Variants in C8orf34 observed in about 807,000 individuals in gnomAD.
The protein encoded by C8orf34 is chromosome 8 open reading frame 34.
Under a neutral mutation model 68.3 loss-of-function variants are expected in C8orf34, and 65 were observed. The observed-to-expected ratio is 0.95, with a 90% CI of 0.78 to 1.17. The LOEUF is 1.17. Ranked by LOEUF, C8orf34 falls within the 50% of genes most tolerant of loss-of-function variation. C8orf34 has a pLI of 0.00. For synonymous variants in C8orf34, 244 were observed against 241.2 expected (o/e 1.01, Z -0.11); for missense variants, 664 against 655.4 (o/e 1.01, Z -0.14).
chr8:68,569,791 G>A (rs945723753), intron 7 of C8orf34, among the ~76,000 whole-genome samples: 1 of 152,154 alleles, frequency 6.6e-6, no homozygotes, highest in Non-Finnish European at 1.5e-5. Flanking sequence ...AACATACTAC[G>A]TTTACCTCAG....
chr8:68,718,643 G>A (rs960386334), intron 9 of C8orf34, among the ~76,000 whole-genome samples: 4 of 152,156 alleles, frequency 2.6e-5, no homozygotes, highest in Non-Finnish European at 5.9e-5. Flanking sequence ...ATTGAACTTG[G>A]CTCGGGAAGC....
intron 4 of C8orf34, among the ~76,000 whole-genome samples, chr8:68,479,390 A>G (rs1812759115): frequency 7.5e-6 from 1 of 134,168 alleles, no homozygotes; most frequent in Non-Finnish European, 1.6e-5. Flanking sequence ...TGTATCAGAG[A>G]GACACAGAGA....
At chr8:68,559,836 A>C (rs1344866647) in intron 7 of C8orf34, among the ~76,000 whole-genome samples, 1 of 152,158 alleles carries the variant, frequency 6.6e-6, no homozygotes, top group Non-Finnish European at 1.5e-5. Flanking sequence ...ACTCCTAGGG[A>C]CATGTGGGTG....
intron 11 of C8orf34, among the ~76,000 whole-genome samples, chr8:68,784,736 A>C (rs1003725038): frequency 6.6e-6 from 1 of 152,070 alleles, no homozygotes; most frequent in East Asian, 1.9e-4. Context: ...AGCTTTGGCT[A>C]ATGACAGCTT....
At chr8:68,711,167 G>C (rs1220468652) in intron 9 of C8orf34, among the ~76,000 whole-genome samples, 1 of 152,152 alleles carries the variant, frequency 6.6e-6, no homozygotes, top group South Asian at 2.1e-4. Context: ...AATCTGAACA[G>C]CAGTTCTTGA....
intron 3 of C8orf34, among the ~76,000 whole-genome samples, chr8:68,460,541 C>T (rs1194359824): frequency 6.6e-6 from 1 of 152,172 alleles, no homozygotes; most frequent in Non-Finnish European, 1.5e-5. Context: ...GGAGGCACCC[C>T]CCAGTAGCGG....
chr8:68,404,641 C>T (rs2129621445), intron 1 of C8orf34, among the ~76,000 whole-genome samples: 1 of 152,208 alleles, frequency 6.6e-6, no homozygotes, highest in African/African-American at 2.4e-5. Flanking sequence ...AATCCTTTCC[C>T]CATTGCTTGT....
chr8:68,523,465 T>C (rs1332616205), intron 6 of C8orf34, among the ~76,000 whole-genome samples: 1 of 152,192 alleles, frequency 6.6e-6, no homozygotes, highest in Non-Finnish European at 1.5e-5. Flanking sequence ...TCTAGAAAAC[T>C]CAGTCCATGA....
At chr8:68,775,446 A>G (rs1396777079) in intron 10 of C8orf34, among the ~76,000 whole-genome samples, 4 of 152,086 alleles carry the variant, frequency 2.6e-5, no homozygotes, top group African/African-American at 9.7e-5. Flanking sequence ...CAATGTTTAG[A>G]TGAGTTTGGG....
chr8:68,653,962 C>T (rs1819438671), intron 8 of C8orf34, among the ~76,000 whole-genome samples: 1 of 152,094 alleles, frequency 6.6e-6, no homozygotes. Context: ...TCAGCACTGT[C>T]TGGTCCAACC....
chr8:68,492,544 A>G (rs982790979), intron 5 of C8orf34, among the ~76,000 whole-genome samples: 1 of 152,168 alleles, frequency 6.6e-6, no homozygotes, highest in Non-Finnish European at 1.5e-5. Flanking sequence ...TTCTAAGACT[A>G]GAATTAACAG....
At chr8:68,461,347 A>T (rs975723433) in intron 3 of C8orf34, among the ~76,000 whole-genome samples, 1 of 152,228 alleles carries the variant, frequency 6.6e-6, no homozygotes, top group Admixed American at 6.5e-5. Flanking sequence ...GGAGAATGGA[A>T]CCAGGTTGGA....
rs551701432 is a variant in C8orf34 at position 68,766,251 on chromosome 8, G to A, written c.1405-10148G>A. ...GTTTTTTTTCCATGCTCCTATCTGA[G>A]TCACAGTTCAGGAGGTTGGTCACCT... On this transcript the variant is annotated intron_variant, in intron 10 of 13. Transcript: ENST00000518698. Among the ~76,000 whole-genome samples the A allele has an allele frequency of 4.6e-5, 7 of 152,266 alleles. No individual in the cohort carries two copies. In the East Asian group the frequency reaches 1.4e-3, roughly 29 times the overall value.
intron 5 of C8orf34, among the ~76,000 whole-genome samples, chr8:68,515,705 T>C (rs1375168437): frequency 9.2e-5 from 14 of 152,206 alleles, no homozygotes; most frequent in Non-Finnish European, 1.0e-4. Context: ...TGCAGATGGT[T>C]CCAGGTTTTT....
At chr8:68,381,864 TA>T (rs552563739) in intron 1 of C8orf34, among the ~76,000 whole-genome samples, 164 of 151,950 alleles carry the variant, frequency 1.1e-3, no homozygotes, top group African/African-American at 3.7e-3. Flanking sequence ...AAACAGAAAG[TA>T]AAAATAATCA....
chr8:68,594,214 G>T (rs1231957613), intron 7 of C8orf34, among the ~76,000 whole-genome samples: 1 of 151,780 alleles, frequency 6.6e-6, no homozygotes, highest in Non-Finnish European at 1.5e-5. Flanking sequence ...GTTCTCAAAT[G>T]CACTCTGTTT....
Position 68,630,678 on chromosome 8 carries a change from G to A in C8orf34, c.1106-9698G>A, listed in dbSNP as rs77175600. ...AATATTTTATAGTGGTTATATTATT[G>A]GTAATATTGACTATATTCCAAAAAA... On this transcript the variant is annotated intron_variant, in intron 7 of 13. Transcript: ENST00000518698. Among the ~76,000 whole-genome samples, 750 of 151,666 alleles carry A rather than the reference G, an allele frequency of 4.9e-3. 6 individuals carry two copies. The highest frequency in any genetic ancestry group is 0.024 in the Middle Eastern group (7 of 292).
At position 68,381,940 on chromosome 8, in the gene C8orf34, T is replaced by A. The variant is rs1440218899; in HGVS notation, c.327+50601T>A. ...TAACTTTTGTTAACATTTTGATACATATTTTCCAGTCTTTTAATGCACATA... is the reference window on the plus strand; with the variant it reads ...TAACTTTTGTTAACATTTTGATACAAATTTTCCAGTCTTTTAATGCACATA... On this transcript the variant is annotated intron_variant, in intron 1 of 13. Transcript: ENST00000518698. 2.6e-5 allele frequency among the ~76,000 whole-genome samples: 4 copies of A among 152,162 alleles called. No individual in the cohort carries two copies. The South Asian group carries it at 8.3e-4, about 31-fold the overall frequency.
chr8:68,737,565 G>T (rs1215776068), intron 10 of C8orf34, among the ~76,000 whole-genome samples: 1 of 151,788 alleles, frequency 6.6e-6, no homozygotes, highest in Non-Finnish European at 1.5e-5. Flanking sequence ...CAAAATAAAG[G>T]CATGGAGAAA....
Sources: allele counts gnomAD v4.1 joint callset (sites outside exome capture counted in the v4.1 genomes callset), GRCh38; gene constraint gnomAD v4.1.1; transcripts MANE v1.5; gene names NCBI Gene and HGNC (gene_info 2026-07-23, HGNC 2026-07-21).